The following CFAP61 variants were observed in gnomAD, a reference collection of about 807,000 sequenced individuals.
CFAP61 encodes cilia and flagella associated protein 61.
Under a neutral mutation model 135.6 loss-of-function variants are expected in CFAP61, and 107 were observed. The ratio of observed to expected loss-of-function variants is 0.79; its 90% CI spans 0.67 to 0.93. The LOEUF is 0.93. CFAP61 is among the 40% of genes least tolerant of loss of function. The probability of loss-of-function intolerance (pLI) is 0.00; values close to 1 mark genes in which losing one functional copy is unlikely to be tolerated. For missense variants in CFAP61, 1,507 were observed against 1,556.2 expected (o/e 0.97, Z 0.53); for synonymous variants, 575 against 578.5 (o/e 0.99, Z 0.09).
At chr20:20,177,473 C>G (rs1467160133) in intron 13 of CFAP61, among the ~76,000 whole-genome samples, 1 of 151,700 alleles carries the variant, frequency 6.6e-6, no homozygotes, top group African/African-American at 2.4e-5. Context: ...TGACGTCGAT[C>G]ACATTGACAA....
Position 20,166,444 on chromosome 20 carries a change from C to T in CFAP61, c.1245+8C>T, listed in dbSNP as rs1258642123. 11 of 1,609,068 alleles carry T rather than the reference C, an allele frequency of 6.8e-6. No homozygotes were observed. The highest frequency in any genetic ancestry group is 1.3e-5 in the African/African-American group (1 of 74,812). On this transcript the variant is annotated splice_region_variant and intron_variant, in intron 12 of 26. Transcript: ENST00000245957. ...GTTTTCAGTCTTTTTTCTGTAAGTA[C>T]ATGCTGAATTTTGAGAACTGATTTT...
chr20:20,190,049 T>C (rs2055810464), intron 14 of CFAP61, among the ~76,000 whole-genome samples: 1 of 152,232 alleles, frequency 6.6e-6, no homozygotes, highest in African/African-American at 2.4e-5. Context: ...CCTCTCAAAG[T>C]GCTGGGATTA....
intron 18 of CFAP61, among the ~76,000 whole-genome samples, chr20:20,236,841 C>T (rs1358006381): frequency 6.6e-6 from 1 of 152,190 alleles, no homozygotes; most frequent in Non-Finnish European, 1.5e-5. Flanking sequence ...TGCCATCTCT[C>T]ATGTGCAAGG....
At chr20:20,290,623 T>C (rs1421093197) in intron 24 of CFAP61, among the ~76,000 whole-genome samples, 2 of 152,174 alleles carry the variant, frequency 1.3e-5, no homozygotes, top group African/African-American at 2.4e-5. Flanking sequence ...CAACAGGATA[T>C]TGGGGAAATG....
chr20:20,211,934 T>C (rs1435026173), intron 17 of CFAP61, among the ~76,000 whole-genome samples: 1 of 151,806 alleles, frequency 6.6e-6, no homozygotes, highest in Non-Finnish European at 1.5e-5. Context: ...GGGACAGCAC[T>C]TTTCATGAAA....
chr20:20,128,286 G>A (rs191069194), intron 8 of CFAP61, among the ~76,000 whole-genome samples: 3 of 151,798 alleles, frequency 2.0e-5, no homozygotes, highest in East Asian at 1.9e-4. Context: ...TCCTCTGGCC[G>A]CCCTTCTGAT....
chr20:20,083,257 C>T (rs1009873449), intron 6 of CFAP61, among the ~76,000 whole-genome samples: 3 of 151,706 alleles, frequency 2.0e-5, no homozygotes, highest in East Asian at 3.9e-4. Flanking sequence ...AACCAAATAC[C>T]GTATGTTCTC....
chr20:20,201,054 T>G (rs1235102759), intron 17 of CFAP61: 8 of 737,248 alleles, frequency 1.1e-5, no homozygotes. Flanking sequence ...TCAATCTATC[T>G]GTCCTTTTTT....
intron 8 of CFAP61, among the ~76,000 whole-genome samples, chr20:20,140,831 A>G (rs1349107102): frequency 6.6e-6 from 1 of 152,148 alleles, no homozygotes; most frequent in Non-Finnish European, 1.5e-5. Flanking sequence ...CAACAATGAT[A>G]GACTGGATTA....
Position 20,199,743 on chromosome 20 carries a change from T to G in CFAP61, c.1798-25T>G, listed in dbSNP as rs759399494. 8 of 1,613,476 alleles carry G rather than the reference T, an allele frequency of 5.0e-6. No homozygotes were observed. In the South Asian group the frequency reaches 8.8e-5, roughly 18 times the overall value. ...TGAGCCTCTCTGACATTCTCTCCCC[T>G]AAAATATAGATTGCTGTCTTTCAGT... On this transcript the variant is annotated intron_variant, in intron 16 of 26. Transcript: ENST00000245957.
At chr20:20,190,631 T>C (rs946898153) in intron 14 of CFAP61, among the ~76,000 whole-genome samples, 3 of 152,110 alleles carry the variant, frequency 2.0e-5, no homozygotes, top group African/African-American at 7.2e-5. Flanking sequence ...GGTTTCCTGC[T>C]TGTAGTATTA....
intron 11 of CFAP61, among the ~76,000 whole-genome samples, chr20:20,164,999 C>T (rs1186727941): frequency 6.6e-6 from 1 of 152,158 alleles, no homozygotes. Flanking sequence ...GAACCACCCC[C>T]ATGATTCAGT....
At chr20:20,160,644 A>T (rs931388402) in intron 10 of CFAP61, among the ~76,000 whole-genome samples, 4 of 152,222 alleles carry the variant, frequency 2.6e-5, no homozygotes, top group African/African-American at 9.6e-5. Context: ...TGGGAGCAGG[A>T]TGTGCTGTCA....
At chr20:20,077,417 G>A (rs1221911484) in intron 6 of CFAP61, among the ~76,000 whole-genome samples, 1 of 152,186 alleles carries the variant, frequency 6.6e-6, no homozygotes, top group Non-Finnish European at 1.5e-5. Flanking sequence ...CCAAGATCAT[G>A]GAGATCATGA....
At chr20:20,309,727 G>T (rs62200185) in intron 25 of CFAP61, among the ~76,000 whole-genome samples, 1 of 152,068 alleles carries the variant, frequency 6.6e-6, no homozygotes, top group African/African-American at 2.4e-5. Flanking sequence ...AATTATGTTT[G>T]GGACAGGAGA....
intron 24 of CFAP61, among the ~76,000 whole-genome samples, chr20:20,296,320 T>TTCCTTCCCTTCCTTCCTTCCTTCCC (rs1601871385): frequency 4.0e-4 from 22 of 54,712 alleles, no homozygotes; most frequent in Admixed American, 6.2e-4. Flanking sequence ...CCTTCCCTCC[T>TTCCTTCCCTTCCTTCCTTCCTTCCC]TCCTTCCCTT....
intron 8 of CFAP61, among the ~76,000 whole-genome samples, chr20:20,127,001 A>G (rs1220566754): frequency 2.0e-5 from 3 of 151,312 alleles, no homozygotes; most frequent in African/African-American, 4.9e-5. Context: ...TGCTTGTTCA[A>G]TTATGTTGCT....
At chr20:20,244,609 C>T (rs1324429378) in intron 18 of CFAP61, among the ~76,000 whole-genome samples, 1 of 152,232 alleles carries the variant, frequency 6.6e-6, no homozygotes, top group Non-Finnish European at 1.5e-5. Flanking sequence ...CCTGGGCCTC[C>T]AGGCCTATGA....
At chr20:20,197,234 T>G (rs934393341) in intron 16 of CFAP61, among the ~76,000 whole-genome samples, 1 of 152,182 alleles carries the variant, frequency 6.6e-6, no homozygotes, top group African/African-American at 2.4e-5. Context: ...ACACCCCTAC[T>G]AGGTGATGGA....
Sources: allele counts gnomAD v4.1 joint callset (sites outside exome capture counted in the v4.1 genomes callset), GRCh38; gene constraint gnomAD v4.1.1; transcripts MANE v1.5; gene names NCBI Gene and HGNC (gene_info 2026-07-23, HGNC 2026-07-21).